EFNA5: variants seen among roughly 807,000 people sequenced by gnomAD.
The protein encoded by EFNA5 is ephrin-A5.
In EFNA5, 5 loss-of-function variants were observed where a neutral mutation model predicts 22.9. The observed-to-expected ratio is 0.22, with a 90% CI of 0.11 to 0.46. The LOEUF is 0.46. Ranked by LOEUF, EFNA5 falls within the 20% of genes least tolerant of loss-of-function variation. EFNA5 has a pLI of 0.99. For synonymous variants in EFNA5, 113 were observed against 112.2 expected (o/e 1.01, Z -0.04); for missense variants, 237 against 293.3 (o/e 0.81, Z 1.40).
rs117052143 is a variant in EFNA5 at position 107,552,213 on chromosome 5, C to T, written c.125+118276G>A. ...TCTTCTGGAAAAAGCGAGAAAATGC[C>T]TAAGAGCCTTCCACATACTAGCTTT... On this transcript the variant is annotated intron_variant, in intron 1 of 4. Coordinates refer to ENST00000333274, the MANE Select transcript of EFNA5 (RefSeq NM_001962.3). Among the ~76,000 whole-genome samples, 468 of 152,246 alleles carry T rather than the reference C, an allele frequency of 3.1e-3. 11 individuals are homozygous for T. The highest frequency in any genetic ancestry group is 2.5e-3 in the East Asian group (13 of 5,182).
intron 1 of EFNA5, among the ~76,000 whole-genome samples, chr5:107,441,029 T>C (rs965816153): frequency 2.0e-5 from 3 of 151,492 alleles, no homozygotes; most frequent in Admixed American, 1.3e-4. Context: ...TTTTTTTTTT[T>C]CAGTTCTACA....
chr5:107,652,862 T>C (rs980980571), intron 1 of EFNA5, among the ~76,000 whole-genome samples: 1 of 152,068 alleles, frequency 6.6e-6, no homozygotes, highest in Admixed American at 6.6e-5. Context: ...AGGGAATCTG[T>C]TCCATATTTA....
intron 1 of EFNA5, among the ~76,000 whole-genome samples, chr5:107,653,420 A>G (rs1750771478): frequency 6.6e-6 from 1 of 152,078 alleles, no homozygotes; most frequent in Non-Finnish European, 1.5e-5. Context: ...TTCCCTCCAC[A>G]GCCTTTCTTC....
intron 1 of EFNA5, among the ~76,000 whole-genome samples, chr5:107,619,850 AAAGAACAGCTTACTCGTTTCTCT>A: frequency 6.6e-6 from 1 of 151,950 alleles, no homozygotes; most frequent in East Asian, 1.9e-4. Flanking sequence ...TGAATTACAG[AAAGAACAGCTTACTCGTTTCTCT>A]AAGAGACAGT....
chr5:107,389,073 T>A (rs1747716566), intron 2 of EFNA5, among the ~76,000 whole-genome samples: 1 of 152,222 alleles, frequency 6.6e-6, no homozygotes, highest in South Asian at 2.1e-4. Flanking sequence ...GTGTCCCTAT[T>A]CAACACCTGT....
intron 1 of EFNA5, among the ~76,000 whole-genome samples, chr5:107,481,477 A>G (rs543136742): frequency 3.2e-4 from 49 of 152,254 alleles, no homozygotes; most frequent in Non-Finnish European, 6.3e-4. Context: ...GTAGTGATTC[A>G]TTCTGACCAG....
intron 1 of EFNA5, among the ~76,000 whole-genome samples, chr5:107,626,586 T>C (rs186634418): frequency 5.9e-5 from 9 of 152,284 alleles, no homozygotes; most frequent in Non-Finnish European, 1.3e-4. Flanking sequence ...AGCTATATTT[T>C]CTGTAAATTG....
intron 2 of EFNA5, among the ~76,000 whole-genome samples, chr5:107,391,034 T>C (rs1162641737): frequency 6.6e-6 from 1 of 152,032 alleles, no homozygotes; most frequent in Non-Finnish European, 1.5e-5. Flanking sequence ...TGGCACACAC[T>C]TGTAATCCCA....
chr5:107,467,111 A>G (rs1279340395), intron 1 of EFNA5, among the ~76,000 whole-genome samples: 3 of 152,304 alleles, frequency 2.0e-5, no homozygotes, highest in Admixed American at 2.0e-4. Context: ...ATAAAAATCT[A>G]AAGGAATGAT....
intron 2 of EFNA5, among the ~76,000 whole-genome samples, chr5:107,403,443 A>T (rs1748135690): frequency 6.6e-6 from 1 of 152,214 alleles, no homozygotes; most frequent in Non-Finnish European, 1.5e-5. Flanking sequence ...AAGAATTTAG[A>T]TGTCTCTTCT....
intron 1 of EFNA5, among the ~76,000 whole-genome samples, chr5:107,490,754 T>TA (rs1476520359): frequency 6.6e-6 from 1 of 152,208 alleles, no homozygotes; most frequent in Non-Finnish European, 1.5e-5. Flanking sequence ...ACCAATGCCT[T>TA]ACAGCGGCTA....
At chr5:107,572,982 A>C (rs575522844) in intron 1 of EFNA5, among the ~76,000 whole-genome samples, 2 of 152,306 alleles carry the variant, frequency 1.3e-5, no homozygotes, top group East Asian at 3.9e-4. Context: ...GGAGACGCTT[A>C]CTTAAGGAAA....
intron 1 of EFNA5, among the ~76,000 whole-genome samples, chr5:107,626,505 T>C (rs1265958417): frequency 1.3e-5 from 2 of 152,120 alleles, no homozygotes; most frequent in Admixed American, 6.5e-5. Context: ...GGTCTCAAAC[T>C]CCTGGCCTCC....
intron 1 of EFNA5, among the ~76,000 whole-genome samples, chr5:107,547,245 G>C (rs567664060): frequency 6.6e-6 from 1 of 152,280 alleles, no homozygotes; most frequent in Admixed American, 6.5e-5. Flanking sequence ...CGGGCCCCTA[G>C]AGGAAGGTCT....
chr5:107,592,018 ATAAT>A (rs1561443268), intron 1 of EFNA5, among the ~76,000 whole-genome samples: 1 of 61,394 alleles, frequency 1.6e-5, no homozygotes, highest in African/African-American at 8.3e-5. Context: ...TATATATAAT[ATAAT>A]ATATATTATA....
intron 2 of EFNA5, among the ~76,000 whole-genome samples, chr5:107,422,333 C>A (rs1748690607): frequency 6.6e-6 from 1 of 152,152 alleles, no homozygotes; most frequent in Admixed American, 6.5e-5. Context: ...TAATACAGGG[C>A]AGAAAGCAGG....
At chr5:107,582,508 TA>T in intron 1 of EFNA5, among the ~76,000 whole-genome samples, 1 of 152,270 alleles carries the variant, frequency 6.6e-6, no homozygotes, top group Middle Eastern at 3.4e-3. Flanking sequence ...TTTAGGAAGC[TA>T]AACAAGAAAT....
At chr5:107,512,259 G>C (rs1356504101) in intron 1 of EFNA5, among the ~76,000 whole-genome samples, 1 of 152,184 alleles carries the variant, frequency 6.6e-6, no homozygotes, top group Non-Finnish European at 1.5e-5. Flanking sequence ...TCCTGGCTCA[G>C]TGGTTAAAGA....
Position 107,476,057 on chromosome 5 carries a change from T to TG in EFNA5, c.126-48549_126-48548insC. On this transcript the variant is annotated intron_variant, in intron 1 of 4. Coordinates refer to ENST00000333274, the MANE Select transcript of EFNA5 (RefSeq NM_001962.3). ...TGAGAGTTTTTAAACTATATATATA[T>TG]TTTTTTTTTTTGAGACAGAGTCTTG... 1.4e-3 allele frequency among the ~76,000 whole-genome samples: 139 copies of TG among 100,402 alleles called. 15 individuals are homozygous for TG. Among genetic ancestry groups the TG allele is most frequent in the African/African-American group, 6.6e-3 (132 of 20,024 alleles). The allele number at this position is 100,402 out of a possible 152,430, so 65.9% of individuals were successfully genotyped here. A position where few individuals can be genotyped will look rare whatever the true frequency, so the allele number is the denominator to read the frequency against.
Sources: gnomAD v4.1 joint callset for allele counts (sites outside exome capture counted in the v4.1 genomes callset) on GRCh38, gnomAD v4.1.1 for gene constraint, MANE v1.5 for transcripts, NCBI Gene and HGNC (gene_info 2026-07-23, HGNC 2026-07-21) for gene names.